RPAP3: variants seen among roughly 807,000 people sequenced by gnomAD.
RPAP3 encodes the protein RNA polymerase II associated protein 3, also known as RNA polymerase II-associated protein 3.
In RPAP3, 58 loss-of-function variants were observed where a neutral mutation model predicts 88.8. The observed-to-expected ratio is 0.65, with a 90% CI of 0.53 to 0.81. RPAP3 has a LOEUF of 0.81. Among genes scored for constraint, RPAP3 ranks in the 40% least tolerant of loss-of-function variants. The probability of loss-of-function intolerance (pLI) is 0.00; values close to 1 mark genes in which losing one functional copy is unlikely to be tolerated. For missense variants in RPAP3, 751 were observed against 764.3 expected, an observed-to-expected ratio of 0.98 and a Z score of 0.20; for synonymous variants, 255 against 259.9, an observed-to-expected ratio of 0.98 and a Z score of 0.18.
At chr12:47,687,051 G>T in intron 8 of RPAP3, 144 bp from the exon 9 acceptor site, 1 of 528,616 alleles carries the variant, frequency 1.9e-6, no homozygotes, top group Non-Finnish European at 3.2e-6. Context: ...CATGAGACAC[G>T]TTTTAAAATC....
In RPAP3 at chr12:47,662,770, A is replaced by G. The variant is rs1354122475; in HGVS notation, c.*735T>C. ...GAGCAGAGTTCTAGCCCTACTTTCA[A>G]AAGTTTACAAACGCTACACTCACAT... On this transcript the variant is annotated 3_prime_UTR_variant, in exon 17 of 17. Coordinates refer to ENST00000005386, the MANE Select transcript of RPAP3 (RefSeq NM_024604.3). The G allele has an allele frequency of 1.3e-5, 2 of 152,278 alleles. No individual in the cohort carries two copies. The highest frequency in any genetic ancestry group is 2.9e-5 in the Non-Finnish European group (2 of 68,092). The allele number at this position is 152,278 out of a possible 1,614,324, so 9.4% of individuals were successfully genotyped here. A position where few individuals can be genotyped will look rare whatever the true frequency, so the allele number is the denominator to read the frequency against.
Position 47,673,658 on chromosome 12 carries a change from C to T in RPAP3, c.1288-3313G>A, listed in dbSNP as rs145325708. On this transcript the variant is annotated intron_variant, in intron 12 of 16. Transcript: ENST00000005386. ...TGAAGAAAACTGTTATGCAAAGGAT[C>T]GTCTATGCATAACAGTTTAAGAGGG... Among the ~76,000 whole-genome samples the T allele has an allele frequency of 8.2e-4, 125 of 151,982 alleles. 1 individual carries two copies. In the Middle Eastern group the frequency reaches 0.02, roughly 25 times the overall value.
At chr12:47,702,605 T>A in intron 2 of RPAP3, 83 bp downstream of exon 2, 1 of 1,175,260 alleles carries the variant, frequency 8.5e-7, no homozygotes, top group Non-Finnish European at 1.2e-6. Context: ...AATTTCAGTA[T>A]TTTCACAAAA....
At position 47,663,217 on chromosome 12, in the gene RPAP3, G is replaced by A; in HGVS notation, c.*288C>T. The A allele has an allele frequency of 4.6e-6, 1 of 216,582 alleles. No individual in the cohort carries two copies. The highest frequency in any genetic ancestry group is 1.2e-4 in the South Asian group (1 of 8,400). 13.4% of individuals were successfully genotyped at this position (216,582 alleles called of 1,614,324 possible). A position where few individuals can be genotyped will look rare whatever the true frequency, so the allele number is the denominator to read the frequency against. On this transcript the variant is annotated 3_prime_UTR_variant, in exon 17 of 17. Transcript: ENST00000005386. Reference sequence around the variant, plus strand: ...ATATAAAAATAATGTTACATTTATGGGTCACTGAAGAATGTATCTAAATTT... The same window carrying A: ...ATATAAAAATAATGTTACATTTATGAGTCACTGAAGAATGTATCTAAATTT...
At chr12:47,694,800 G>A (rs1231468605) in intron 5 of RPAP3, among the ~76,000 whole-genome samples, 1 of 152,132 alleles carries the variant, frequency 6.6e-6, no homozygotes, top group African/African-American at 2.4e-5. Flanking sequence ...AATGCAAAAT[G>A]TCATTTCAAA....
chr12:47,697,807 T>C (rs1592486776), intron 3 of RPAP3, 88 bp from the exon 4 acceptor site: 1 of 1,189,300 alleles, frequency 8.4e-7, no homozygotes, highest in Non-Finnish European at 1.2e-6. Flanking sequence ...TACACTCAAA[T>C]GAATGTAAAT....
Position 47,670,294 on chromosome 12 carries a change from T to A in RPAP3, c.1339A>T (p.Ile447Phe), listed in dbSNP as rs531087920. ...GCAGTAGTGCTATCTGGCACATCAA[T>A]AGTCTGTATCAAATTACCAGTTTCT... ...IEETGNLIQT[I>F]DVPDSTTAAA... Residue 447 changes from isoleucine to phenylalanine, a missense_variant, in exon 13 of 17, where the codon ATT (isoleucine) becomes TTT (phenylalanine). Physicochemically the swap from Ile to Phe is conservative, Grantham distance 21 (BLOSUM62 0). Coordinates refer to ENST00000005386, the MANE Select transcript of RPAP3 (RefSeq NM_024604.3). The A allele has an allele frequency of 2.5e-6, 4 of 1,612,896 alleles. No homozygotes were observed. In the East Asian group the frequency reaches 8.9e-5, roughly 36 times the overall value.
intron 12 of RPAP3, among the ~76,000 whole-genome samples, chr12:47,674,103 A>AAAAAC (rs1190948855): frequency 6.6e-6 from 1 of 151,060 alleles, no homozygotes; most frequent in East Asian, 1.9e-4. Flanking sequence ...AAAAAAAAAA[A>AAAAAC]AAGTGCCCCA....
chr12:47,685,326 C>A (rs919869069), intron 9 of RPAP3, among the ~76,000 whole-genome samples: 1 of 150,268 alleles, frequency 6.7e-6, no homozygotes, highest in Non-Finnish European at 1.5e-5. Context: ...TTGCAGTGAG[C>A]CAAAATTACA....
chr12:47,689,021 G>A, intron 7 of RPAP3, 104 bp downstream of exon 7: 1 of 613,804 alleles, frequency 1.6e-6, no homozygotes, highest in South Asian at 1.9e-5. Flanking sequence ...ATTAAAATTA[G>A]AAAATCTCAA....
Position 47,667,796 on chromosome 12 carries a change from A to C in RPAP3, c.1769T>G (p.Val590Gly), listed in dbSNP as rs1328244447. Residue 590 changes from valine to glycine, a missense_variant, in exon 15 of 17, where the codon GTA becomes GGA. Physicochemically the swap from Val to Gly is moderately radical, Grantham distance 109. Coordinates refer to ENST00000005386, the MANE Select transcript of RPAP3 (RefSeq NM_024604.3). ...CAGAATTTTAACGATCTGGTTGAATACATCTGGATCCAGATTTTTCTGAAA... is the reference window on the plus strand; with the variant it reads ...CAGAATTTTAACGATCTGGTTGAATCCATCTGGATCCAGATTTTTCTGAAA... ...KLFQKNLDPD[V>G]FNQIVKILHD... is the part of the protein sequence containing the mutation. The C allele has an allele frequency of 1.2e-6, 2 of 1,609,154 alleles. No individual in the cohort carries two copies. The highest frequency in any genetic ancestry group is 1.7e-6 in the Non-Finnish European group (2 of 1,177,372).
chr12:47,677,192 G>C (rs929369861), intron 12 of RPAP3, among the ~76,000 whole-genome samples: 4 of 152,086 alleles, frequency 2.6e-5, no homozygotes, highest in African/African-American at 7.2e-5. Flanking sequence ...AAATTCAACA[G>C]TGCTTCATGC....
intron 3 of RPAP3, among the ~76,000 whole-genome samples, chr12:47,699,125 T>C (rs1939595379): frequency 6.6e-6 from 1 of 152,154 alleles, no homozygotes; most frequent in Non-Finnish European, 1.5e-5. Context: ...TGAACTAGAA[T>C]GAAATGGGAA....
intron 9 of RPAP3, 40 bp downstream of exon 9, chr12:47,686,739 AT>A: frequency 1.4e-6 from 2 of 1,390,384 alleles, no homozygotes; most frequent in Non-Finnish European, 1.9e-6. Flanking sequence ...TTTATTGTAA[AT>A]TTTTATCCTG....
Position 47,672,131 on chromosome 12 carries a change from CA to C in RPAP3, c.1288-1787del, listed in dbSNP as rs530055460. Among the ~76,000 whole-genome samples, 8 of 152,114 alleles carry C rather than the reference CA, an allele frequency of 5.3e-5. No individual in the cohort carries two copies. In the South Asian group the frequency reaches 1.2e-3, roughly 24 times the overall value. On this transcript the variant is annotated intron_variant, in intron 12 of 16. Coordinates refer to ENST00000005386, the MANE Select transcript of RPAP3 (RefSeq NM_024604.3). ...GCAAAATAAGATATTTTAGCAGAGA[CA>C]AAAGGATCAGGAAAACTTTCACTTA...
chr12:47,663,674 G>A (rs1054193132), intron 16 of RPAP3, 84 bp from the exon 17 acceptor site: 1 of 756,750 alleles, frequency 1.3e-6, no homozygotes, highest in Admixed American at 3.0e-5. Flanking sequence ...CAATCTATTT[G>A]TCAAAAACAT....
chr12:47,675,244 G>A (rs1939087121), intron 12 of RPAP3, among the ~76,000 whole-genome samples: 1 of 152,194 alleles, frequency 6.6e-6, no homozygotes, highest in South Asian at 2.1e-4. Context: ...GCTTCTGAAG[G>A]AAGCACTAAA....
chr12:47,687,378 G>T lies in RPAP3; in HGVS notation c.865-471C>A, dbSNP rs201818313. Among the ~76,000 whole-genome samples, 9 of 152,136 alleles carry T rather than the reference G, an allele frequency of 5.9e-5. No individual in the cohort carries two copies. The East Asian group carries it at 1.7e-3, about 29-fold the overall frequency. ...GATAAATTCAGCTGTATTGGAATTT[G>T]TATACCTGATTTCACTATAACATTT... On this transcript the variant is annotated intron_variant, in intron 8 of 16. Transcript: ENST00000005386.
chr12:47,669,596 G>A (rs182609913), intron 13 of RPAP3, among the ~76,000 whole-genome samples: 38 of 152,232 alleles, frequency 2.5e-4, no homozygotes, highest in Non-Finnish European at 2.9e-4. Context: ...GAGTGGCAAT[G>A]TAAAAATATA....
Sources: allele counts gnomAD v4.1 joint callset (sites outside exome capture counted in the v4.1 genomes callset), GRCh38; gene constraint gnomAD v4.1.1; transcripts MANE v1.5; gene names NCBI Gene and HGNC (gene_info 2026-07-23, HGNC 2026-07-21).